The following ZFAT variants were observed in gnomAD, a reference collection of about 807,000 sequenced individuals.
ZFAT encodes zinc finger and AT-hook domain containing, also known as zinc finger protein ZFAT.
A neutral mutation model predicts 117.7 loss-of-function variants in ZFAT; 64 were observed. That is an observed-to-expected ratio of 0.54 (90% CI 0.44 to 0.67). The LOEUF (loss-of-function observed/expected upper bound fraction) is 0.67, where lower values mean the gene tolerates loss of function less well. Ranked by LOEUF, ZFAT falls within the 30% of genes least tolerant of loss-of-function variation. ZFAT has a pLI of 0.00. For synonymous variants in ZFAT, 679 were observed against 615.0 expected, an observed-to-expected ratio of 1.10 and a Z score of -1.54; for missense variants, 1,433 against 1,584.5, an observed-to-expected ratio of 0.90 and a Z score of 1.62.
chr8:134,491,292 C>T (rs1035802213), intron 15 of ZFAT, among the ~76,000 whole-genome samples: 2 of 152,244 alleles, frequency 1.3e-5, no homozygotes, highest in African/African-American at 4.8e-5. Context: ...GCTGCTCACA[C>T]TAGTAGTCTC....
chr8:134,531,315 A>G (rs1563814160), intron 12 of ZFAT, among the ~76,000 whole-genome samples: 1 of 152,204 alleles, frequency 6.6e-6, no homozygotes, highest in Non-Finnish European at 1.5e-5. Flanking sequence ...GAAGGATGCG[A>G]AAAAGAATCC....
chr8:134,564,351 C>T (rs189238308), intron 11 of ZFAT, among the ~76,000 whole-genome samples: 91 of 152,328 alleles, frequency 6.0e-4, no homozygotes, highest in Middle Eastern at 6.8e-3. Flanking sequence ...GAACACCCCA[C>T]GCCCTGTCCC....
chr8:134,666,803 C>A (rs1311121736), intron 1 of ZFAT, among the ~76,000 whole-genome samples: 2 of 151,148 alleles, frequency 1.3e-5, no homozygotes, highest in Admixed American at 1.3e-4. Context: ...ATATGAGTCC[C>A]AAAAAAAGAA....
intron 5 of ZFAT, among the ~76,000 whole-genome samples, chr8:134,606,856 T>C (rs1827926806): frequency 6.6e-6 from 1 of 152,156 alleles, no homozygotes. Flanking sequence ...TAATAAGTGG[T>C]TATCTTTGGG....
intron 10 of ZFAT, among the ~76,000 whole-genome samples, chr8:134,571,814 A>C (rs934678081): frequency 9.2e-5 from 14 of 152,344 alleles, no homozygotes; most frequent in African/African-American, 3.1e-4. Flanking sequence ...TAAACTAAGA[A>C]ACTAGACATT....
rs932268458 is a variant in ZFAT, at chr8:134,608,660, T to C, written c.785+69A>G. 15 of 1,560,110 alleles carry C rather than the reference T, an allele frequency of 9.6e-6. No homozygotes were observed. The African/African-American group carries it at 1.8e-4, about 19-fold the overall frequency. ...TCCAAACGAACAAGCATGCTGATCC[T>C]TCCTGCACTCTGTGGAGTTCACTCA... On this transcript the variant is annotated intron_variant, in intron 5 of 15. Coordinates refer to ENST00000377838, the MANE Select transcript of ZFAT (RefSeq NM_020863.4).
the ZFAT span, among the ~76,000 whole-genome samples, chr8:134,744,976 A>G: frequency 1.6e-4 from 23 of 146,844 alleles, 3 homozygotes; most frequent in Admixed American, 1.2e-3. Context: ...TGATCCGCCC[A>G]CCTCGGCCTC....
chr8:134,704,382 C>T (rs1005892331), intron 1 of ZFAT, among the ~76,000 whole-genome samples: 1 of 152,186 alleles, frequency 6.6e-6, no homozygotes, highest in South Asian at 2.1e-4. Context: ...TTATGTTCAC[C>T]ATTCCTCTTC....
At chr8:134,748,644 G>C in the ZFAT span, among the ~76,000 whole-genome samples, 1 of 152,178 alleles carries the variant, frequency 6.6e-6, no homozygotes. Context: ...ACGCGACACT[G>C]TTCTCCACAG....
chr8:134,681,800 T>G (rs1833083019), intron 1 of ZFAT, among the ~76,000 whole-genome samples: 1 of 152,210 alleles, frequency 6.6e-6, no homozygotes, highest in Non-Finnish European at 1.5e-5. Context: ...AGTTATTAAT[T>G]TAATAAGGGC....
chr8:134,831,027 T>C, the ZFAT span, among the ~76,000 whole-genome samples: 2 of 152,218 alleles, frequency 1.3e-5, no homozygotes, highest in Non-Finnish European at 2.9e-5. Flanking sequence ...TCCAAACTGG[T>C]GGGTGGCACC....
intron 11 of ZFAT, among the ~76,000 whole-genome samples, chr8:134,561,334 T>C (rs945547683): frequency 1.3e-5 from 2 of 152,184 alleles, no homozygotes; most frequent in African/African-American, 4.8e-5. Flanking sequence ...CTTTCACTGG[T>C]AAAGTACCCT....
At chr8:134,643,729 G>C (rs1035782542) in intron 2 of ZFAT, among the ~76,000 whole-genome samples, 1 of 152,132 alleles carries the variant, frequency 6.6e-6, no homozygotes, top group Non-Finnish European at 1.5e-5. Context: ...CCCTGAGCAC[G>C]TTTTATGTTT....
At chr8:134,655,117 C>T (rs939285658) in intron 2 of ZFAT, among the ~76,000 whole-genome samples, 7 of 152,054 alleles carry the variant, frequency 4.6e-5, no homozygotes, top group African/African-American at 1.7e-4. Context: ...GTCGGGGAAC[C>T]GTGGCTGTAG....
chr8:134,827,632 G>C, the ZFAT span, among the ~76,000 whole-genome samples: 97 of 151,958 alleles, frequency 6.4e-4, no homozygotes, highest in Non-Finnish European at 1.2e-3. Context: ...GACAGGCGTG[G>C]TGGTGGGTGC....
chr8:134,594,364 C>A (rs1330221990), intron 7 of ZFAT, among the ~76,000 whole-genome samples: 1 of 152,180 alleles, frequency 6.6e-6, no homozygotes, highest in East Asian at 1.9e-4. Context: ...CCATTTATTT[C>A]CAGAAGAGGA....
chr8:134,492,786 A>G (rs1243134435), intron 15 of ZFAT, among the ~76,000 whole-genome samples: 3 of 152,254 alleles, frequency 2.0e-5, no homozygotes, highest in African/African-American at 7.2e-5. Flanking sequence ...TGGTTTGTAA[A>G]AAACATCATA....
intron 1 of ZFAT, among the ~76,000 whole-genome samples, chr8:134,660,532 A>C (rs1831875005): frequency 6.6e-6 from 1 of 152,266 alleles, no homozygotes; most frequent in Admixed American, 6.5e-5. Flanking sequence ...AGAGGAGGCC[A>C]CCACATCACT....
At chr8:134,620,307 C>T (rs1180563688) in intron 3 of ZFAT, among the ~76,000 whole-genome samples, 4 of 152,180 alleles carry the variant, frequency 2.6e-5, no homozygotes, top group Non-Finnish European at 4.4e-5. Flanking sequence ...CTCAGCCAAG[C>T]GCCCATACAC....
Sources: allele counts gnomAD v4.1 joint callset (sites outside exome capture counted in the v4.1 genomes callset), GRCh38; gene constraint gnomAD v4.1.1; transcripts MANE v1.5; gene names NCBI Gene and HGNC (gene_info 2026-07-23, HGNC 2026-07-21).